The following FAM81A variants were observed in gnomAD, a reference collection of about 807,000 sequenced individuals.
FAM81A encodes family with sequence similarity 81 member A.
In FAM81A, 19 loss-of-function variants were observed where a neutral mutation model predicts 46.7. That is an observed-to-expected ratio of 0.41 (90% CI 0.28 to 0.60). The LOEUF is 0.60. FAM81A is among the 20% of genes least tolerant of loss of function. The pLI is 0.34. For missense variants in FAM81A, 377 were observed against 453.5 expected, an observed-to-expected ratio of 0.83 and a Z score of 1.53; for synonymous variants, 183 against 152.9, an observed-to-expected ratio of 1.20 and a Z score of -1.45.
At chr15:59,505,313 A>C (rs552907385) in intron 4 of FAM81A, among the ~76,000 whole-genome samples, 10 of 152,156 alleles carry the variant, frequency 6.6e-5, no homozygotes, top group Non-Finnish European at 1.3e-4. Context: ...GGAGTTTGAG[A>C]CCAGCCCGGC....
In FAM81A at chr15:59,460,260, T is replaced by C; in HGVS notation, c.294+54T>C. 1 of 1,612,372 alleles carries C rather than the reference T, an allele frequency of 6.2e-7. No individual in the cohort carries two copies. The highest frequency in any genetic ancestry group is 8.5e-7 in the Non-Finnish European group (1 of 1,178,946). On this transcript the variant is annotated intron_variant, in intron 3 of 8. Coordinates refer to ENST00000288228, the MANE Select transcript of FAM81A (RefSeq NM_152450.3). This position sits in a 1 kb window ranked among gnomAD's most constrained non-coding sequence, Gnocchi z 4.4. ...TGTCCCTTTCCACAGAATTGCTCCA[T>C]GTCAGGAGGTCACCCACATCTAACT...
intron 3 of FAM81A, among the ~76,000 whole-genome samples, chr15:59,470,414 T>G (rs2081671030): frequency 6.6e-6 from 1 of 152,226 alleles, no homozygotes; most frequent in Non-Finnish European, 1.5e-5. Context: ...TTTTACTCTT[T>G]TTTCTCTAAC....
At chr15:59,476,088 A>C (rs2081763407) in intron 3 of FAM81A, among the ~76,000 whole-genome samples, 1 of 152,186 alleles carries the variant, frequency 6.6e-6, no homozygotes, top group South Asian at 2.1e-4. Context: ...TGCATGGCAG[A>C]AAGTAGAGAG....
At chr15:59,465,873 G>A (rs867419881) in intron 3 of FAM81A, among the ~76,000 whole-genome samples, 2 of 152,104 alleles carry the variant, frequency 1.3e-5, no homozygotes, top group Non-Finnish European at 1.5e-5. Context: ...AGACCCCGGT[G>A]TGTGATGTTC....
At chr15:59,510,584 G>GC (rs1356306506) in intron 6 of FAM81A, among the ~76,000 whole-genome samples, 1 of 151,704 alleles carries the variant, frequency 6.6e-6, no homozygotes, top group African/African-American at 2.4e-5. Flanking sequence ...CTGATTGTCA[G>GC]CCAGTGGAAA....
rs531272729 is a variant in FAM81A at position 59,514,203 on chromosome 15, T to C, written c.651-86T>C. 1.7e-4 allele frequency: 233 copies of C among 1,337,432 alleles called. 1 individual carries two copies. In the African/African-American group the frequency reaches 2.4e-3, roughly 14 times the overall value. The allele number at this position is 1,337,432 out of a possible 1,614,324, so 82.8% of individuals were successfully genotyped here. ...TGTTTACCTGTGTAACAAATCTGTATATCCTCAACATGTACCCTGGAACTT... is the reference window on the plus strand; with the variant it reads ...TGTTTACCTGTGTAACAAATCTGTACATCCTCAACATGTACCCTGGAACTT... On this transcript the variant is annotated intron_variant, in intron 6 of 8. Coordinates refer to ENST00000288228, the MANE Select transcript of FAM81A (RefSeq NM_152450.3).
intron 3 of FAM81A, among the ~76,000 whole-genome samples, chr15:59,474,742 C>T (rs2081744008): frequency 6.6e-6 from 1 of 152,202 alleles, no homozygotes; most frequent in African/African-American, 2.4e-5. Flanking sequence ...GTTATCAATG[C>T]AAAGAACATC....
At chr15:59,474,269 T>C (rs1469488723) in intron 3 of FAM81A, among the ~76,000 whole-genome samples, 1 of 152,204 alleles carries the variant, frequency 6.6e-6, no homozygotes, top group Non-Finnish European at 1.5e-5. Flanking sequence ...CATAGTATAT[T>C]TGTGTTGCTA....
chr15:59,456,976 A>G (rs2081492562), intron 1 of FAM81A, among the ~76,000 whole-genome samples: 1 of 152,202 alleles, frequency 6.6e-6, no homozygotes, highest in African/African-American at 2.4e-5. Context: ...GATGCCAAAT[A>G]CATGTTTCTT....
chr15:59,421,713 ATCTG>A (rs563133863), intron 2 of FAM81A, among the ~76,000 whole-genome samples: 2,908 of 100,402 alleles, frequency 0.029, 86 homozygotes, highest in African/African-American at 0.07. Context: ...TAAACTATCT[ATCTG>A]TCTGTCTGTC....
chr15:59,442,984 G>A (rs12439455), intron 1 of FAM81A, among the ~76,000 whole-genome samples: 80,207 of 152,044 alleles, frequency 0.53, 21,946 homozygotes, highest in Non-Finnish European at 0.62. Context: ...CAGAAAATTA[G>A]CATTAAGAGC....
intron 4 of FAM81A, among the ~76,000 whole-genome samples, chr15:59,506,203 G>T (rs182737750): frequency 6.6e-6 from 1 of 152,126 alleles, no homozygotes; most frequent in Non-Finnish European, 1.5e-5. Flanking sequence ...TGTAGACACA[G>T]GGTCTTGCTA....
intron 2 of FAM81A, among the ~76,000 whole-genome samples, chr15:59,403,982 C>T (rs1274544633): frequency 6.6e-6 from 1 of 150,970 alleles, no homozygotes; most frequent in Non-Finnish European, 1.5e-5. Context: ...CTCCTGGGTT[C>T]AAGCGATTCT....
At chr15:59,503,299 C>G (rs1300508007) in intron 4 of FAM81A, among the ~76,000 whole-genome samples, 1 of 146,360 alleles carries the variant, frequency 6.8e-6, no homozygotes, top group Non-Finnish European at 1.5e-5. Context: ...TTAGAGGTAA[C>G]TAATGTTAAC....
At chr15:59,493,884 G>A (rs531817179) in intron 4 of FAM81A, among the ~76,000 whole-genome samples, 4 of 152,150 alleles carry the variant, frequency 2.6e-5, no homozygotes, top group East Asian at 3.9e-4. Context: ...CACCGCGCCC[G>A]GCCTCCTCCT....
At position 59,521,674 on chromosome 15, in the gene FAM81A, A is replaced by G; in HGVS notation, c.*296A>G. 1 of 232,312 alleles carries G rather than the reference A, an allele frequency of 4.3e-6. No homozygotes were observed. The highest frequency in any genetic ancestry group is 9.2e-5 in the East Asian group (1 of 10,870). 14.4% of individuals were successfully genotyped at this position (232,312 alleles called of 1,614,324 possible). On this transcript the variant is annotated 3_prime_UTR_variant, in exon 9 of 9. Transcript: ENST00000288228. ...TCATTTTACGAATGGAAAGACGACA[A>G]TTTTTCTTCAATGCTTGATGCACTA...
chr15:59,430,371 T>C (rs2081214731), intron 2 of FAM81A, among the ~76,000 whole-genome samples: 1 of 148,922 alleles, frequency 6.7e-6, no homozygotes. Flanking sequence ...TTCAAGCAAT[T>C]CTCCTGCCTC....
chr15:59,452,188 A>G (rs1295412339), intron 1 of FAM81A, among the ~76,000 whole-genome samples: 1 of 152,222 alleles, frequency 6.6e-6, no homozygotes, highest in Non-Finnish European at 1.5e-5. Context: ...TTGGCTTTCT[A>G]CACTACCTGC....
At position 59,517,962 on chromosome 15, in the gene FAM81A, C is replaced by G. The variant is rs148289339; in HGVS notation, c.982+1122C>G. Among the ~76,000 whole-genome samples the G allele has an allele frequency of 4.3e-3, 652 of 151,132 alleles. 2 individuals are homozygous for G. The highest frequency in any genetic ancestry group is 0.015 in the African/African-American group (614 of 41,204). ...TCTTTATTACAAAGACAATATATTT[C>G]TTCTTTCTTCCTTTTTTTTTTTTGT... On this transcript the variant is annotated intron_variant, in intron 8 of 8. Coordinates refer to ENST00000288228, the MANE Select transcript of FAM81A (RefSeq NM_152450.3).
Sources: allele counts gnomAD v4.1 joint callset (sites outside exome capture counted in the v4.1 genomes callset), GRCh38; gene constraint gnomAD v4.1.1; non-coding constraint Gnocchi (gnomAD v3.1); transcripts MANE v1.5; gene names NCBI Gene and HGNC (gene_info 2026-07-23, HGNC 2026-07-21).